The following AGMO variants were observed in gnomAD, a reference collection of about 807,000 sequenced individuals.
AGMO encodes the protein alkylglycerol monooxygenase.
AGMO carries 75 observed loss-of-function variants against 60.2 expected under a neutral mutation model. The ratio of observed to expected loss-of-function variants is 1.25; its 90% confidence interval spans 1.03 to 1.51. The LOEUF (loss-of-function observed/expected upper bound fraction) is 1.51. Ranked by LOEUF, AGMO falls within the 40% of genes most tolerant of loss-of-function variation. The probability of loss-of-function intolerance (pLI) is 0.00; values close to 1 mark genes in which losing one functional copy is unlikely to be tolerated. For missense variants in AGMO, 763 were observed against 525.5 expected (o/e 1.45, Z -4.42); for synonymous variants, 261 against 177.1 (o/e 1.47, Z -3.76).
chr7:15,343,524 A>G (rs970925427), intron 12 of AGMO, among the ~76,000 whole-genome samples: 1 of 152,174 alleles, frequency 6.6e-6, no homozygotes, highest in Non-Finnish European at 1.5e-5. Context: ...GGCATCTATA[A>G]TATCTTAGTC....
intron 3 of AGMO, among the ~76,000 whole-genome samples, chr7:15,543,340 T>C (rs1257545563): frequency 6.6e-6 from 1 of 152,184 alleles, no homozygotes; most frequent in Admixed American, 6.5e-5. Flanking sequence ...CCTAGATTTG[T>C]TCCTCATTCT....
intron 3 of AGMO, among the ~76,000 whole-genome samples, chr7:15,461,519 G>T (rs1214643335): frequency 6.6e-6 from 1 of 152,014 alleles, no homozygotes; most frequent in Non-Finnish European, 1.5e-5. Flanking sequence ...AATTAGGATG[G>T]TCATGAAGAA....
At chr7:15,382,565 G>A (rs1418012805) in intron 10 of AGMO, among the ~76,000 whole-genome samples, 1 of 152,176 alleles carries the variant, frequency 6.6e-6, no homozygotes, top group Non-Finnish European at 1.5e-5. Context: ...ACAAGATGCT[G>A]TAGAAGTATT....
At chr7:15,268,722 A>G (rs1783508268) in intron 12 of AGMO, among the ~76,000 whole-genome samples, 1 of 152,024 alleles carries the variant, frequency 6.6e-6, no homozygotes, top group Non-Finnish European at 1.5e-5. Flanking sequence ...GGGTAATATT[A>G]ATATATGATC....
intron 5 of AGMO, among the ~76,000 whole-genome samples, chr7:15,397,123 G>C (rs1243337105): frequency 6.6e-6 from 1 of 152,102 alleles, no homozygotes; most frequent in African/African-American, 2.4e-5. Flanking sequence ...ACCTATCCTG[G>C]GCACTCCCGC....
chr7:15,224,180 GAA>G (rs147559563), intron 12 of AGMO, among the ~76,000 whole-genome samples: 1 of 146,684 alleles, frequency 6.8e-6, no homozygotes, highest in Non-Finnish European at 1.5e-5. Flanking sequence ...ATGAGTAAAA[GAA>G]AAAAAAAATA....
chr7:15,230,850 G>A (rs547477467), intron 12 of AGMO, among the ~76,000 whole-genome samples: 30 of 152,216 alleles, frequency 2.0e-4, no homozygotes, highest in South Asian at 1.9e-3. Flanking sequence ...GAAGACTGCA[G>A]TACCTCTGCT....
At chr7:15,236,672 A>C (rs1415483010) in intron 12 of AGMO, among the ~76,000 whole-genome samples, 1 of 152,112 alleles carries the variant, frequency 6.6e-6, no homozygotes, top group Non-Finnish European at 1.5e-5. Flanking sequence ...AGTAAGATAT[A>C]TGTTGAGGAT....
chr7:15,155,959 G>C, the AGMO span, among the ~76,000 whole-genome samples: 2 of 152,182 alleles, frequency 1.3e-5, no homozygotes, highest in Non-Finnish European at 2.9e-5. Context: ...GTTGTAACCA[G>C]GACTCTGTCT....
intron 3 of AGMO, among the ~76,000 whole-genome samples, chr7:15,477,929 T>C (rs546628020): frequency 1.3e-4 from 20 of 152,238 alleles, no homozygotes; most frequent in African/African-American, 4.8e-4. Flanking sequence ...TGGATATTCG[T>C]TGAATTTTGG....
chr7:15,122,209 T>C, the AGMO span, among the ~76,000 whole-genome samples: 1 of 151,908 alleles, frequency 6.6e-6, no homozygotes, highest in Non-Finnish European at 1.5e-5. Context: ...ACAAATTTAC[T>C]AGAAAAAAAC....
the AGMO span, among the ~76,000 whole-genome samples, chr7:15,168,722 C>T: frequency 4.6e-5 from 7 of 152,192 alleles, no homozygotes; most frequent in Non-Finnish European, 7.3e-5. Context: ...AGTATGCACG[C>T]TCTGTCACTA....
At chr7:15,541,101 TTTTG>T (rs1170043616) in intron 3 of AGMO, among the ~76,000 whole-genome samples, 7 of 152,130 alleles carry the variant, frequency 4.6e-5, no homozygotes, top group Admixed American at 3.9e-4. Context: ...CCAGTTGTTT[TTTTG>T]TTTGTTTGTT....
At chr7:15,323,867 C>T (rs181029304) in intron 12 of AGMO, among the ~76,000 whole-genome samples, 16 of 152,264 alleles carry the variant, frequency 1.1e-4, no homozygotes, top group African/African-American at 3.8e-4. Flanking sequence ...TGTTTCTTTG[C>T]TTTCAGCTTG....
intron 5 of AGMO, among the ~76,000 whole-genome samples, chr7:15,408,279 G>C (rs939731336): frequency 6.6e-6 from 1 of 151,794 alleles, no homozygotes; most frequent in African/African-American, 2.4e-5. Context: ...GGGGACAAGG[G>C]AAAGTCATTT....
At chr7:15,399,534 C>G (rs1784500260) in intron 5 of AGMO, among the ~76,000 whole-genome samples, 1 of 152,068 alleles carries the variant, frequency 6.6e-6, no homozygotes, top group Admixed American at 6.6e-5. Flanking sequence ...ATTTCTTAAG[C>G]TATTTTATTT....
chr7:15,531,502 ATATATATTCTC>A (rs1562557458), intron 3 of AGMO, among the ~76,000 whole-genome samples: 14 of 41,470 alleles, frequency 3.4e-4, no homozygotes, highest in African/African-American at 1.3e-3. Context: ...TATATATTCT[ATATATATTCTC>A]TATATATATT....
intron 6 of AGMO, among the ~76,000 whole-genome samples, chr7:15,392,414 T>G (rs891409562): frequency 6.6e-6 from 1 of 152,026 alleles, no homozygotes; most frequent in Non-Finnish European, 1.5e-5. Flanking sequence ...TATAATCCCC[T>G]TGGCCTCTCC....
intron 12 of AGMO, among the ~76,000 whole-genome samples, chr7:15,208,055 G>C (rs1180789680): frequency 6.6e-6 from 1 of 152,222 alleles, no homozygotes; most frequent in Admixed American, 6.5e-5. Flanking sequence ...TATAAATCAT[G>C]AATCACAAAT....
Sources: gnomAD v4.1 joint callset for allele counts (sites outside exome capture counted in the v4.1 genomes callset) on GRCh38, gnomAD v4.1.1 for gene constraint, MANE v1.5 for transcripts, NCBI Gene and HGNC (gene_info 2026-07-23, HGNC 2026-07-21) for gene names.